The following ZNF385D variants were observed in gnomAD, a reference collection of about 807,000 sequenced individuals.
ZNF385D encodes the protein zinc finger protein 659.
A neutral mutation model predicts 35.8 loss-of-function variants in ZNF385D; 15 were observed. The ratio of observed to expected loss-of-function variants is 0.42; its 90% confidence interval spans 0.28 to 0.64. The LOEUF (loss-of-function observed/expected upper bound fraction) is 0.64, where lower values mean the gene tolerates loss of function less well. ZNF385D is among the 30% of genes least tolerant of loss of function. The pLI, the probability that ZNF385D is intolerant of heterozygous loss-of-function variation, is 0.23. For synonymous variants in ZNF385D, 212 were observed against 186.8 expected, an observed-to-expected ratio of 1.13 and a Z score of -1.10; for missense variants, 474 against 494.6, an observed-to-expected ratio of 0.96 and a Z score of 0.39.
At chr3:21,513,804 A>G (rs1707382900) in intron 3 of ZNF385D, among the ~76,000 whole-genome samples, 1 of 152,138 alleles carries the variant, frequency 6.6e-6, no homozygotes, top group South Asian at 2.1e-4. Context: ...TTCCTAAATT[A>G]TCCTAGCATA....
intron 3 of ZNF385D, among the ~76,000 whole-genome samples, chr3:21,869,571 T>A (rs1026552867): frequency 2.0e-5 from 3 of 152,056 alleles, no homozygotes; most frequent in African/African-American, 4.8e-5. Flanking sequence ...GAGGGATCAA[T>A]AATGAAAAAT....
chr3:21,503,910 T>G (rs1706581953), intron 4 of ZNF385D, among the ~76,000 whole-genome samples: 1 of 152,206 alleles, frequency 6.6e-6, no homozygotes, highest in Non-Finnish European at 1.5e-5. Context: ...AAAAGTATTT[T>G]ACTTTTGGTA....
chr3:22,247,615 T>TTTTATTTA (rs71266432), intron 2 of ZNF385D, among the ~76,000 whole-genome samples: 51,531 of 148,122 alleles, frequency 0.35, 9,229 homozygotes, highest in African/African-American at 0.35. Context: ...CATTTTACAA[T>TTTTATTTA]TTTATTTATT....
chr3:22,358,466 A>G (rs965782864), intron 2 of ZNF385D, among the ~76,000 whole-genome samples: 5 of 151,814 alleles, frequency 3.3e-5, no homozygotes, highest in Non-Finnish European at 7.4e-5. Flanking sequence ...GTTATTCTAT[A>G]TAGAGGACAA....
chr3:22,340,020 C>G (rs1240207854), intron 2 of ZNF385D, among the ~76,000 whole-genome samples: 1 of 152,132 alleles, frequency 6.6e-6, no homozygotes, highest in Admixed American at 6.5e-5. Context: ...ACTTATTCCC[C>G]TCTTTGCTTC....
intron 2 of ZNF385D, among the ~76,000 whole-genome samples, chr3:22,335,329 TGA>T (rs1695115805): frequency 1.3e-5 from 2 of 152,282 alleles, no homozygotes; most frequent in Admixed American, 1.3e-4. Flanking sequence ...ATGAACATTG[TGA>T]GTGTACAAAA....
chr3:21,803,594 G>C (rs545606677), intron 3 of ZNF385D, among the ~76,000 whole-genome samples: 91 of 152,118 alleles, frequency 6.0e-4, no homozygotes, highest in African/African-American at 1.8e-3. Flanking sequence ...ATGAAAACTG[G>C]ATGAAATATC....
At chr3:21,606,618 G>A (rs938939855) in intron 2 of ZNF385D, among the ~76,000 whole-genome samples, 2 of 152,202 alleles carry the variant, frequency 1.3e-5, no homozygotes, top group African/African-American at 4.8e-5. Flanking sequence ...TCCCAGAACA[G>A]ATGACCTGTG....
At position 22,363,687 on chromosome 3, in the gene ZNF385D, A is replaced by G. The variant is rs1042615508; in HGVS notation, c.106+8763T>C. ...AACTTATGGTTAAATTGGTGGACCA[A>G]GTCTGGTGAGTGTGTATTCTTACAG... On this transcript the variant is annotated intron_variant, in intron 2 of 5. Coordinates refer to the ZNF385D transcript ENST00000494108. Among the ~76,000 whole-genome samples the G allele has an allele frequency of 2.6e-5, 4 of 152,276 alleles. No individual in the cohort carries two copies. In the East Asian group the frequency reaches 7.7e-4, roughly 29 times the overall value.
chr3:21,905,205 CAAA>C (rs63147760), intron 3 of ZNF385D, among the ~76,000 whole-genome samples: 9,499 of 69,962 alleles, frequency 0.14, 487 homozygotes, highest in South Asian at 0.33. Flanking sequence ...ACAAAAAATC[CAAA>C]AAAAAAAAAA....
intron 3 of ZNF385D, among the ~76,000 whole-genome samples, chr3:21,515,486 A>G (rs1470619024): frequency 6.6e-6 from 1 of 152,230 alleles, no homozygotes; most frequent in Non-Finnish European, 1.5e-5. Context: ...ATCATATATT[A>G]AATTTGAATT....
intron 2 of ZNF385D, among the ~76,000 whole-genome samples, chr3:22,363,688 G>C (rs539224715): frequency 1.3e-5 from 2 of 152,268 alleles, no homozygotes; most frequent in African/African-American, 4.8e-5. Context: ...GGTGGACCAA[G>C]TCTGGTGAGT....
intron 3 of ZNF385D, among the ~76,000 whole-genome samples, chr3:22,000,166 G>T (rs1032117944): frequency 6.6e-6 from 1 of 152,060 alleles, no homozygotes; most frequent in Non-Finnish European, 1.5e-5. Flanking sequence ...TTAGCCTGGC[G>T]TGGTGGTGGC....
At chr3:22,204,773 G>T (rs958083303) in intron 2 of ZNF385D, among the ~76,000 whole-genome samples, 11 of 149,600 alleles carry the variant, frequency 7.4e-5, no homozygotes, top group African/African-American at 2.4e-4. Flanking sequence ...ACAAAAGAGA[G>T]AATTAGTGAG....
intron 3 of ZNF385D, among the ~76,000 whole-genome samples, chr3:21,936,510 T>C (rs1701265885): frequency 6.6e-6 from 1 of 152,124 alleles, no homozygotes; most frequent in Admixed American, 6.6e-5. Context: ...ATTGGTGTCT[T>C]TTGTAACTTT....
chr3:21,802,780 T>G (rs769224758), intron 3 of ZNF385D, among the ~76,000 whole-genome samples: 2 of 152,168 alleles, frequency 1.3e-5, no homozygotes, highest in Non-Finnish European at 2.9e-5. Flanking sequence ...AATGCTTACC[T>G]GTCCACCTGT....
At chr3:21,550,577 G>C (rs909763253) in intron 3 of ZNF385D, among the ~76,000 whole-genome samples, 1 of 152,168 alleles carries the variant, frequency 6.6e-6, no homozygotes, top group South Asian at 2.1e-4. Context: ...CCGCCTGCCA[G>C]GTTCAAGTGA....
At chr3:21,575,674 C>T (rs745532806) in intron 2 of ZNF385D, among the ~76,000 whole-genome samples, 71 of 152,158 alleles carry the variant, frequency 4.7e-4, no homozygotes, top group Non-Finnish European at 6.5e-4. Context: ...ATCTGACCTT[C>T]TTCAACCAGG....
Position 21,417,458 on chromosome 3 carries a change from GA to G in ZNF385D, c.*3755del, listed in dbSNP as rs1427436164. 3.3e-5 allele frequency: 5 copies of G among 152,088 alleles called. No individual in the cohort carries two copies. Among genetic ancestry groups the G allele is most frequent in the African/African-American group, 4.8e-5 (2 of 41,430 alleles). 9.4% of individuals were successfully genotyped at this position (152,088 alleles called of 1,614,324 possible). On this transcript the variant is annotated 3_prime_UTR_variant, in exon 8 of 8. Transcript: ENST00000281523. ...ACAATGTCATCCATGCTTATGTATA[GA>G]AAGGTAATTTTCTACTTCAATTCAG... is the stretch of plus-strand genomic sequence containing the variant.
Sources: gnomAD v4.1 joint callset for allele counts (sites outside exome capture counted in the v4.1 genomes callset) on GRCh38, gnomAD v4.1.1 for gene constraint, MANE v1.5 for transcripts, NCBI Gene and HGNC (gene_info 2026-07-23, HGNC 2026-07-21) for gene names.